Variants in ZNF804B observed in about 807,000 individuals in gnomAD.
ZNF804B encodes the protein zinc finger protein 804B.
ZNF804B carries 80 observed loss-of-function variants against 101.4 expected under a neutral mutation model. That is an observed-to-expected ratio of 0.79 (90% CI 0.66 to 0.95). ZNF804B has a LOEUF of 0.95. Ranked by LOEUF, ZNF804B falls within the 40% of genes least tolerant of loss-of-function variation. The pLI is 0.00. For synonymous variants in ZNF804B, 622 were observed against 558.8 expected, an observed-to-expected ratio of 1.11 and a Z score of -1.59; for missense variants, 1,673 against 1,561.9, an observed-to-expected ratio of 1.07 and a Z score of -1.20.
intron 1 of ZNF804B, among the ~76,000 whole-genome samples, chr7:89,215,959 A>G (rs1348457467): frequency 1.3e-5 from 2 of 151,902 alleles, no homozygotes; most frequent in African/African-American, 2.4e-5. Flanking sequence ...AGGAATCCCT[A>G]GTTTCAATCC....
At chr7:88,765,833 G>A (rs1789974844) in intron 1 of ZNF804B, among the ~76,000 whole-genome samples, 1 of 152,104 alleles carries the variant, frequency 6.6e-6, no homozygotes, top group African/African-American at 2.4e-5. Flanking sequence ...AAGAAAAAGT[G>A]TAGTTATAGT....
intron 1 of ZNF804B, among the ~76,000 whole-genome samples, chr7:88,903,104 T>TC (rs1325105304): frequency 6.8e-6 from 1 of 147,242 alleles, no homozygotes; most frequent in Non-Finnish European, 1.5e-5. Context: ...TCCCCCTTCC[T>TC]CCCCCCTCTA....
At chr7:88,803,194 T>A (rs1245347392) in intron 1 of ZNF804B, among the ~76,000 whole-genome samples, 1 of 151,920 alleles carries the variant, frequency 6.6e-6, no homozygotes, top group Non-Finnish European at 1.5e-5. Context: ...ATTGCAATGG[T>A]TTGGTGAATG....
Position 89,218,137 on chromosome 7 carries a change from A to C in ZNF804B, c.109-18A>C, listed in dbSNP as rs4140973. On this transcript the variant is annotated intron_variant, in intron 1 of 3. Transcript: ENST00000333190. ...TTAGAGAGAAGTCTAACCAACATTT[A>C]TGTATTTTTTCTTAAAGGATTTTGC... 1 of 1,214,734 alleles carries C rather than the reference A, an allele frequency of 8.2e-7. No homozygotes were observed. The highest frequency in any genetic ancestry group is 1.1e-6 in the Non-Finnish European group (1 of 886,774). The allele number at this position is 1,214,734 out of a possible 1,614,324, so 75.2% of individuals were successfully genotyped here. A position where few individuals can be genotyped will look rare whatever the true frequency, so the allele number is the denominator to read the frequency against.
chr7:89,063,844 A>G (rs570337560), intron 1 of ZNF804B, among the ~76,000 whole-genome samples: 31 of 152,200 alleles, frequency 2.0e-4, no homozygotes, highest in Non-Finnish European at 3.1e-4. Flanking sequence ...GAATGCGTCA[A>G]TAGCTAGGAC....
chr7:89,206,326 T>C lies in ZNF804B; in HGVS notation c.109-11829T>C, dbSNP rs371921556. Among the ~76,000 whole-genome samples, 7 of 152,382 alleles carry C rather than the reference T, an allele frequency of 4.6e-5. No individual in the cohort carries two copies. In the South Asian group the frequency reaches 6.2e-4, roughly 14 times the overall value. On this transcript the variant is annotated intron_variant, in intron 1 of 3. Coordinates refer to ENST00000333190, the MANE Select transcript of ZNF804B (RefSeq NM_181646.5). ...ACTTATGCAAATTTCTGCAGCCAGC[T>C]TGAATTTCTTCCCAGAAAATGGGGT...
intron 1 of ZNF804B, among the ~76,000 whole-genome samples, chr7:88,970,501 C>A (rs917877094): frequency 6.6e-6 from 1 of 151,358 alleles, no homozygotes; most frequent in African/African-American, 2.4e-5. Context: ...TTTTGCAGGT[C>A]TAATATTAAT....
At chr7:88,918,488 G>C (rs551645623) in intron 1 of ZNF804B, among the ~76,000 whole-genome samples, 22 of 152,046 alleles carry the variant, frequency 1.4e-4, no homozygotes, top group African/African-American at 5.1e-4. Flanking sequence ...TGTTTCCCTC[G>C]AATTTAACTT....
chr7:89,301,099 G>GTTTT (rs5885673), intron 2 of ZNF804B, among the ~76,000 whole-genome samples: 90 of 77,532 alleles, frequency 1.2e-3, no homozygotes, highest in South Asian at 1.8e-3. Context: ...TTTCAAGCGT[G>GTTTT]TTTTTTTTTT....
Position 89,024,536 on chromosome 7 carries a change from G to A in ZNF804B, c.109-193619G>A, listed in dbSNP as rs139242650. 5.0e-3 allele frequency among the ~76,000 whole-genome samples: 754 copies of A among 150,900 alleles called. 3 individuals are homozygous for A. The highest frequency in any genetic ancestry group is 0.017 in the African/African-American group (695 of 41,180). The stretch of plus-strand genomic sequence containing the variant: ...GTATACATTTGGCTGTTTATTAGTG[G>A]CATATTCATTAGGAGGCTTTGTAAC... On this transcript the variant is annotated intron_variant, in intron 1 of 3. Coordinates refer to ENST00000333190, the MANE Select transcript of ZNF804B (RefSeq NM_181646.5).
chr7:89,316,285 A>G (rs1251673529), intron 2 of ZNF804B, among the ~76,000 whole-genome samples: 1 of 152,128 alleles, frequency 6.6e-6, no homozygotes, highest in Admixed American at 6.6e-5. Context: ...TCCTCTTTTC[A>G]GTTTCCCTAA....
intron 1 of ZNF804B, among the ~76,000 whole-genome samples, chr7:88,871,866 G>C (rs558210291): frequency 6.6e-6 from 1 of 152,252 alleles, no homozygotes; most frequent in South Asian, 2.1e-4. Flanking sequence ...TACTACGGAG[G>C]CTGAGGCAGG....
intron 1 of ZNF804B, among the ~76,000 whole-genome samples, chr7:88,764,123 A>T (rs1436813775): frequency 6.6e-6 from 1 of 152,166 alleles, no homozygotes; most frequent in Non-Finnish European, 1.5e-5. Flanking sequence ...ACTTTTAGTT[A>T]TGTGATCTGA....
At chr7:89,261,856 T>TTGTTA (rs1360466947) in intron 2 of ZNF804B, among the ~76,000 whole-genome samples, 1 of 152,166 alleles carries the variant, frequency 6.6e-6, no homozygotes, top group African/African-American at 2.4e-5. Context: ...AACTGAAACA[T>TTGTTA]TGTTATGCAG....
At chr7:88,768,227 A>G (rs1238995334) in intron 1 of ZNF804B, among the ~76,000 whole-genome samples, 1 of 152,216 alleles carries the variant, frequency 6.6e-6, no homozygotes, top group Non-Finnish European at 1.5e-5. Context: ...CCACCTAGTC[A>G]TTGACTTCAA....
chr7:89,277,983 T>C (rs1208859), intron 2 of ZNF804B, among the ~76,000 whole-genome samples: 114,395 of 151,958 alleles, frequency 0.75, 44,312 homozygotes, highest in African/African-American at 0.9. Flanking sequence ...AAAAGTGTTC[T>C]TATTTCTCCA....
chr7:89,291,807 C>G (rs887126426), intron 2 of ZNF804B, among the ~76,000 whole-genome samples: 1 of 151,682 alleles, frequency 6.6e-6, no homozygotes, highest in African/African-American at 2.4e-5. Flanking sequence ...CAGGTTTTAC[C>G]CAAAGAAGAC....
intron 2 of ZNF804B, among the ~76,000 whole-genome samples, chr7:89,283,569 G>A (rs1790132055): frequency 6.6e-6 from 1 of 152,116 alleles, no homozygotes; most frequent in African/African-American, 2.4e-5. Context: ...TCCCTGCTGT[G>A]TCACTTTTTG....
chr7:88,849,807 A>G (rs7797423), intron 1 of ZNF804B, among the ~76,000 whole-genome samples: 32,397 of 151,608 alleles, frequency 0.21, 3,735 homozygotes, highest in East Asian at 0.43. Context: ...ATGAAAATTT[A>G]AAAAAATAAT....
Sources: gnomAD v4.1 joint callset for allele counts (sites outside exome capture counted in the v4.1 genomes callset) on GRCh38, gnomAD v4.1.1 for gene constraint, MANE v1.5 for transcripts, NCBI Gene and HGNC (gene_info 2026-07-23, HGNC 2026-07-21) for gene names.